The following ADSS1 variants were observed in gnomAD, a reference collection of about 807,000 sequenced individuals.
ADSS1 encodes the protein adenylosuccinate synthetase isozyme 1.
A neutral mutation model predicts 59.1 loss-of-function variants in ADSS1; 57 were observed. The ratio of observed to expected loss-of-function variants is 0.97; its 90% confidence interval spans 0.78 to 1.20. ADSS1 has a LOEUF of 1.20. ADSS1 is among the 50% of genes most tolerant of loss of function. ADSS1 has a pLI of 0.00. For missense variants in ADSS1, 603 were observed against 610.3 expected, an observed-to-expected ratio of 0.99 and a Z score of 0.13; for synonymous variants, 247 against 249.4, an observed-to-expected ratio of 0.99 and a Z score of 0.09.
intron 2 of ADSS1, chr14:104,737,137 C>G (rs1891166224): frequency 6.6e-6 from 1 of 151,998 alleles, no homozygotes; most frequent in South Asian, 2.1e-4. Flanking sequence ...ACACTTGGTG[C>G]TGTACATTCT....
At chr14:104,727,521 A>G (rs1566793042) in intron 1 of ADSS1, among the ~76,000 whole-genome samples, 2 of 151,794 alleles carry the variant, frequency 1.3e-5, no homozygotes, top group Middle Eastern at 6.8e-3. Context: ...GCCACATCAC[A>G]TCGTCTGCCT....
intron 1 of ADSS1, among the ~76,000 whole-genome samples, chr14:104,732,812 GGCA>G (rs1890978134): frequency 6.6e-6 from 1 of 152,228 alleles, no homozygotes; most frequent in Admixed American, 6.5e-5. Flanking sequence ...GCCCCCAAAA[GGCA>G]GCAGATGCAG....
intron 1 of ADSS1, among the ~76,000 whole-genome samples, chr14:104,734,652 C>T (rs924455591): frequency 5.3e-5 from 8 of 152,174 alleles, no homozygotes; most frequent in Non-Finnish European, 1.0e-4. Flanking sequence ...CAGGTTTGGC[C>T]GTGGGGGTGC....
In ADSS1 at chr14:104,735,062, G is replaced by A; in HGVS notation, c.235G>A (p.Glu79Lys). Reference protein sequence around the residue: ...AGHTVVVDGKEYDFHLLPSGI... With the variant: ...AGHTVVVDGKKYDFHLLPSGI... ...CCACACGGTGGTGGTGGATGGGAAAGAGTACGACTTCCACCTGCTGCCCAG... is the reference window on the plus strand; with the variant it reads ...CCACACGGTGGTGGTGGATGGGAAAAAGTACGACTTCCACCTGCTGCCCAG... The change falls in exon 2 of 13, where the codon GAG becomes AAG. Residue 79 changes from glutamate to lysine, a missense_variant. By Grantham distance (56) the Glu-to-Lys change is moderately conservative. Transcript: ENST00000330877. 6 of 1,613,692 alleles carry A rather than the reference G, an allele frequency of 3.7e-6. No individual in the cohort carries two copies. Among genetic ancestry groups the A allele is most frequent in the Admixed American group, 1.7e-5 (1 of 60,018 alleles).
intron 1 of ADSS1, 28 bp downstream of exon 1, chr14:104,724,490 C>G: frequency 8.1e-7 from 1 of 1,229,638 alleles, no homozygotes; most frequent in Non-Finnish European, 1.0e-6. Flanking sequence ...GGGTCCCTCC[C>G]CCACCGCCCA....
chr14:104,746,928 A>G, intron 12 of ADSS1, 23 bp from the exon 13 acceptor site: 1 of 1,613,754 alleles, frequency 6.2e-7, no homozygotes, highest in Non-Finnish European at 8.5e-7. Context: ...TGTGTATCAT[A>G]ACAGTCTTTT....
Position 104,724,428 on chromosome 14 carries a change from T to C in ADSS1, c.158T>C (p.Leu53Pro), listed in dbSNP as rs1354787256. The stretch of plus-strand genomic sequence containing the variant: ...GGCAAAGGCAAGGTGGTGGACCTGC[T>C]GGCCACGGACGCCGACATCATCAGC... ...DEGKGKVVDL[L>P]ATDADIISRC... The change falls in exon 1 of 13, where the codon CTG becomes CCG. Residue 53 changes from leucine to proline, a missense_variant. Coordinates refer to ENST00000330877, the MANE Select transcript of ADSS1 (RefSeq NM_152328.5). 2.9e-5 allele frequency: 36 copies of C among 1,262,132 alleles called. No homozygotes were observed. Among genetic ancestry groups the C allele is most frequent in the Non-Finnish European group, 3.6e-5 (36 of 998,658 alleles). The allele number at this position is 1,262,132 out of a possible 1,614,324, so 78.2% of individuals were successfully genotyped here. A position where few individuals can be genotyped will look rare whatever the true frequency, so the allele number is the denominator to read the frequency against.
chr14:104,734,359 T>G (rs187617750), intron 1 of ADSS1, among the ~76,000 whole-genome samples: 1 of 152,158 alleles, frequency 6.6e-6, no homozygotes, highest in African/African-American at 2.4e-5. Flanking sequence ...TCCTCTAGCT[T>G]CCACTGGCAC....
At position 104,740,841 on chromosome 14, in the gene ADSS1, T is replaced by A. The variant is rs759674416; in HGVS notation, c.587T>A (p.Phe196Tyr). 7 of 1,613,792 alleles carry A rather than the reference T, an allele frequency of 4.3e-6. No individual in the cohort carries two copies. The Admixed American group carries it at 1.2e-4, about 27-fold the overall frequency. Reference protein sequence around the residue: ...LSDFDEFSSRFKNLAHQHQSM... With the variant: ...LSDFDEFSSRYKNLAHQHQSM... ...GATGATGACTGTCCCTTGTGCAGAT[T>A]CAAGAACCTGGCCCACCAGCACCAG... The change falls in exon 7 of 13, where the codon TTC becomes TAC. Residue 196 changes from phenylalanine (F) to tyrosine (Y), a missense_variant and splice_region_variant. Coordinates refer to ENST00000330877, the MANE Select transcript of ADSS1 (RefSeq NM_152328.5). The surrounding 1 kb of genome is among the most constrained non-coding windows in gnomAD (Gnocchi z 4.8).
chr14:104,738,492 G>A, intron 3 of ADSS1, 54 bp downstream of exon 3: 4 of 1,592,376 alleles, frequency 2.5e-6, no homozygotes, highest in Non-Finnish European at 3.4e-6. Context: ...GCCCTGAGCG[G>A]TTGTTGGCTG....
Position 104,738,357 on chromosome 14 carries a change from G to A in ADSS1, c.296-19G>A, listed in dbSNP as rs1891203847. 6.2e-7 allele frequency: 1 copy of A among 1,613,178 alleles called. No individual in the cohort carries two copies. The highest frequency in any genetic ancestry group is 1.7e-5 in the Admixed American group (1 of 59,968). On this transcript the variant is annotated intron_variant, in intron 2 of 12. Transcript: ENST00000330877. ...TCTGGGACACAACTCTGTCTCTCAT[G>A]CCTCTGTCTCTCATGCAGGCAACGG...
At chr14:104,738,303 A>T (rs936605941) in intron 2 of ADSS1, 73 bp from the exon 3 acceptor site, 69 of 1,535,960 alleles carry the variant, frequency 4.5e-5, no homozygotes, top group Non-Finnish European at 5.7e-5. Context: ...CACCCATTTC[A>T]TGCTGTTCTT....
intron 1 of ADSS1, among the ~76,000 whole-genome samples, chr14:104,732,216 G>T (rs1051328110): frequency 5.0e-4 from 76 of 152,308 alleles, no homozygotes; most frequent in African/African-American, 1.4e-3. Context: ...CTCTGCCTTT[G>T]TGCAGAGCCC....
intron 1 of ADSS1, among the ~76,000 whole-genome samples, chr14:104,731,188 TCTCA>T (rs1210477365): frequency 6.6e-6 from 1 of 152,188 alleles, no homozygotes; most frequent in African/African-American, 2.4e-5. Flanking sequence ...ATATCGTCTC[TCTCA>T]CTCGCACCCT....
At chr14:104,724,487 T>TGC in intron 1 of ADSS1, 25 bp downstream of exon 1, 2 of 1,154,454 alleles carry the variant, frequency 1.7e-6, no homozygotes, top group Non-Finnish European at 2.2e-6. Flanking sequence ...GCCGGGTCCC[T>TGC]CCCCCACCGC....
In ADSS1 at chr14:104,724,321, C is replaced by G; in HGVS notation, c.51C>G (p.Val17=). 1.6e-6 allele frequency: 2 copies of G among 1,237,852 alleles called. No individual in the cohort carries two copies. The highest frequency in any genetic ancestry group is 2.0e-6 in the Non-Finnish European group (2 of 988,052). The allele number at this position is 1,237,852 out of a possible 1,614,324, so 76.7% of individuals were successfully genotyped here. A position where few individuals can be genotyped will look rare whatever the true frequency, so the allele number is the denominator to read the frequency against. The change falls in exon 1 of 13, where the codon GTC becomes GTG. Residue 17 remains valine, a synonymous_variant. Coordinates refer to ENST00000330877, the MANE Select transcript of ADSS1 (RefSeq NM_152328.5). ...SNDRPPGAGG[V]KRGRLQQEAA... is the part of the protein sequence containing the mutation. Reference sequence around the variant, plus strand: ...ACCGGCCCCCCGGCGCAGGCGGCGTCAAGCGGGGGCGGCTGCAGCAGGAGG... The same window carrying G: ...ACCGGCCCCCCGGCGCAGGCGGCGTGAAGCGGGGGCGGCTGCAGCAGGAGG...
chr14:104,741,067 C>G (rs1891329254), intron 7 of ADSS1, 50 bp from the exon 8 acceptor site: 3 of 1,584,572 alleles, frequency 1.9e-6, no homozygotes. Context: ...ACGCAGGCCT[C>G]CCCTGCCCCA....
At chr14:104,730,509 T>C (rs1232910657) in intron 1 of ADSS1, among the ~76,000 whole-genome samples, 1 of 152,070 alleles carries the variant, frequency 6.6e-6, no homozygotes, top group Non-Finnish European at 1.5e-5. Flanking sequence ...TTCCATTGTT[T>C]AAAGCTGTCC....
intron 10 of ADSS1, 50 bp downstream of exon 10, chr14:104,743,241 C>A: frequency 1.3e-6 from 2 of 1,596,648 alleles, no homozygotes; most frequent in Non-Finnish European, 8.5e-7. Context: ...TGACTCCCGA[C>A]ACCTGCAGAG....
Sources: allele counts gnomAD v4.1 joint callset (sites outside exome capture counted in the v4.1 genomes callset), GRCh38; gene constraint gnomAD v4.1.1; non-coding constraint Gnocchi (gnomAD v3.1); transcripts MANE v1.5; gene names NCBI Gene and HGNC (gene_info 2026-07-23, HGNC 2026-07-21).